ZNF664: variants seen among roughly 807,000 people sequenced by gnomAD.
ZNF664 encodes zinc finger protein 664, also known as zinc finger Organ of Corti 1.
ZNF664 carries 10 observed loss-of-function variants against 18.2 expected under a neutral mutation model. The observed-to-expected ratio is 0.55, with a 90% CI of 0.34 to 0.93. The LOEUF is 0.93. ZNF664 is among the 40% of genes least tolerant of loss of function. The probability of loss-of-function intolerance (pLI) is 0.02; values close to 1 mark genes in which losing one functional copy is unlikely to be tolerated. For synonymous variants in ZNF664, 119 were observed against 104.2 expected (o/e 1.14, Z -0.86); for missense variants, 193 against 319.0 (o/e 0.61, Z 3.01).
Position 124,011,655 on chromosome 12 carries a change from A to G in ZNF664, c.-490A>G. The stretch of plus-strand genomic sequence containing the variant: ...CTTTCCTGTCTGATGTGCAGGAGGC[A>G]GAATGCCAAACTGACTCTTCAAGGG... On this transcript the variant is annotated 5_prime_UTR_variant, in exon 5 of 5. Coordinates refer to ENST00000337815, the MANE Select transcript of ZNF664 (RefSeq NM_152437.3). 9.9e-7 allele frequency: 1 copy of G among 1,007,092 alleles called. No homozygotes were observed. The highest frequency in any genetic ancestry group is 1.2e-6 in the Non-Finnish European group (1 of 846,822). 62.4% of individuals were successfully genotyped at this position (1,007,092 alleles called of 1,614,324 possible).
intron 3 of ZNF664, chr12:123,998,715 A>G (rs1389255999): frequency 1.3e-5 from 2 of 152,302 alleles, no homozygotes; most frequent in Non-Finnish European, 2.9e-5. Flanking sequence ...CCCCTCCTCA[A>G]CTGTAAACCA....
chr12:124,000,592 C>G (rs1405231455), intron 3 of ZNF664, among the ~76,000 whole-genome samples: 2 of 152,202 alleles, frequency 1.3e-5, no homozygotes, highest in Non-Finnish European at 2.9e-5. Flanking sequence ...GTTGAGCACA[C>G]CTGTGTGCCC....
chr12:123,999,606 C>T (rs1030214043), intron 3 of ZNF664, among the ~76,000 whole-genome samples: 5 of 152,092 alleles, frequency 3.3e-5, no homozygotes, highest in Middle Eastern at 3.4e-3. Flanking sequence ...GCCAGCAGTC[C>T]GAATTTCAGA....
chr12:123,997,186 G>A (rs1042119830), intron 3 of ZNF664, among the ~76,000 whole-genome samples: 18 of 152,182 alleles, frequency 1.2e-4, no homozygotes, highest in African/African-American at 3.6e-4. Context: ...AAGGGCTTGG[G>A]TGAAGTGTGA....
intron 3 of ZNF664, among the ~76,000 whole-genome samples, chr12:124,003,028 C>T (rs1957031361): frequency 6.6e-6 from 1 of 152,134 alleles, no homozygotes; most frequent in African/African-American, 2.4e-5. Flanking sequence ...GTTTCCAGCC[C>T]TGTCTTGGGG....
At position 124,013,777 on chromosome 12, in the gene ZNF664, T is replaced by C. The variant is rs78005948; in HGVS notation, c.*847T>C. 0.073 allele frequency: 12,124 copies of C among 166,678 alleles called. 3 individuals are homozygous for C. Among genetic ancestry groups the C allele is most frequent in the Non-Finnish European group, 0.11 (7,203 of 67,836 alleles). The allele number at this position is 166,678 out of a possible 1,614,324, so 10.3% of individuals were successfully genotyped here. A position where few individuals can be genotyped will look rare whatever the true frequency, so the allele number is the denominator to read the frequency against. ...CCCTCTGGGCTCCTTTGGTAACAGA[T>C]GGAGCTCCTTCCTAGCTAGGGAGAC... On this transcript the variant is annotated 3_prime_UTR_variant, in exon 5 of 5. Coordinates refer to ENST00000337815, the MANE Select transcript of ZNF664 (RefSeq NM_152437.3).
chr12:124,001,506 C>T (rs1320332473), intron 3 of ZNF664, among the ~76,000 whole-genome samples: 1 of 152,184 alleles, frequency 6.6e-6, no homozygotes, highest in African/African-American at 2.4e-5. Context: ...TGCCCCTCAC[C>T]ATGGTCCTCC....
intron 3 of ZNF664, among the ~76,000 whole-genome samples, chr12:123,988,392 ATTTTC>A (rs1956849287): frequency 1.3e-5 from 2 of 151,992 alleles, no homozygotes; most frequent in South Asian, 4.2e-4. Context: ...TGGGATCTTC[ATTTTC>A]TTCTTTCCAT....
In ZNF664 at chr12:124,011,529, T is replaced by C. The variant is rs1957135960; in HGVS notation, c.-599-17T>C. On this transcript the variant is annotated splice_polypyrimidine_tract_variant and intron_variant, in intron 4 of 4. Coordinates refer to ENST00000337815, the MANE Select transcript of ZNF664 (RefSeq NM_152437.3). Reference sequence around the variant, plus strand: ...ATAAAAGCATTTTCAATTTATTTATTTATGTTTCTATTACAGGAGACGGCA... The same window carrying C: ...ATAAAAGCATTTTCAATTTATTTATCTATGTTTCTATTACAGGAGACGGCA... 1.3e-6 allele frequency: 1 copy of C among 799,490 alleles called. No individual in the cohort carries two copies. The highest frequency in any genetic ancestry group is 5.6e-5 in the South Asian group (1 of 17,726). The allele number at this position is 799,490 out of a possible 1,614,324, so 49.5% of individuals were successfully genotyped here.
intron 2 of ZNF664, 141 bp downstream of exon 2, chr12:123,974,161 C>G (rs535560028): frequency 3.8e-6 from 2 of 520,934 alleles, no homozygotes; most frequent in East Asian, 7.0e-5. Flanking sequence ...AGACATTTTC[C>G]CGTCCGGATC....
chr12:123,974,444 C>T (rs948133471), intron 2 of ZNF664: 2 of 157,332 alleles, frequency 1.3e-5, no homozygotes, highest in Middle Eastern at 2.9e-3. Flanking sequence ...ATTTTGGCTT[C>T]TTATTTAGAG....
chr12:123,975,727 T>C (rs1018830474), intron 2 of ZNF664, among the ~76,000 whole-genome samples: 1 of 152,350 alleles, frequency 6.6e-6, no homozygotes, highest in Middle Eastern at 3.4e-3. Flanking sequence ...CTAGTGGTTT[T>C]ACATACCTTA....
intron 2 of ZNF664, among the ~76,000 whole-genome samples, chr12:123,983,040 A>G (rs1294736619): frequency 6.6e-6 from 1 of 152,188 alleles, no homozygotes; most frequent in Non-Finnish European, 1.5e-5. Context: ...CTGTGGTTCC[A>G]GCTACTTAAG....
At chr12:123,999,477 T>C (rs1050572975) in intron 3 of ZNF664, among the ~76,000 whole-genome samples, 2 of 152,220 alleles carry the variant, frequency 1.3e-5, no homozygotes, top group Non-Finnish European at 2.9e-5. Flanking sequence ...TCTGTGATAC[T>C]TACAGGTTTC....
intron 2 of ZNF664, among the ~76,000 whole-genome samples, chr12:123,982,465 C>T (rs942240037): frequency 2.6e-5 from 4 of 152,158 alleles, no homozygotes; most frequent in Non-Finnish European, 5.9e-5. Flanking sequence ...TCTCTTCTCT[C>T]GCTTGGCAGT....
intron 3 of ZNF664, among the ~76,000 whole-genome samples, chr12:123,991,551 AAC>A (rs1413980023): frequency 6.6e-6 from 1 of 152,256 alleles, no homozygotes; most frequent in Non-Finnish European, 1.5e-5. Context: ...TAAGGAAACT[AAC>A]ATTCATTTAG....
chr12:124,004,629 T>G (rs1199575213), intron 3 of ZNF664, among the ~76,000 whole-genome samples: 1 of 152,212 alleles, frequency 6.6e-6, no homozygotes, highest in Admixed American at 6.5e-5. Flanking sequence ...CATGGCCTGT[T>G]AGGAACCAAG....
At chr12:124,008,626 C>T (rs1209959141) in intron 3 of ZNF664, among the ~76,000 whole-genome samples, 1 of 152,168 alleles carries the variant, frequency 6.6e-6, no homozygotes, top group Non-Finnish European at 1.5e-5. Flanking sequence ...AAAAGTTGGG[C>T]CCCTAGTTAA....
chr12:124,001,155 A>G (rs1957007291), intron 3 of ZNF664, among the ~76,000 whole-genome samples: 2 of 152,140 alleles, frequency 1.3e-5, no homozygotes, highest in South Asian at 4.1e-4. Context: ...CATTGTATTG[A>G]ATCTGTCACC....
Sources: gnomAD v4.1 joint callset for allele counts (sites outside exome capture counted in the v4.1 genomes callset) on GRCh38, gnomAD v4.1.1 for gene constraint, MANE v1.5 for transcripts, NCBI Gene and HGNC (gene_info 2026-07-23, HGNC 2026-07-21) for gene names.